Variants in AKR1A1 observed in about 807,000 individuals in gnomAD.
AKR1A1 encodes the protein HEL-S-165mP.
A neutral mutation model predicts 39.2 loss-of-function variants in AKR1A1; 26 were observed. That is an observed-to-expected ratio of 0.66 (90% CI 0.49 to 0.92). The LOEUF (loss-of-function observed/expected upper bound fraction) is 0.92. Among genes scored for constraint, AKR1A1 ranks in the 40% least tolerant of loss-of-function variants. AKR1A1 has a pLI of 0.00. For missense variants in AKR1A1, 378 were observed against 406.5 expected (o/e 0.93, Z 0.60); for synonymous variants, 141 against 155.5 (o/e 0.91, Z 0.69).
At position 45,567,991 on chromosome 1, in the gene AKR1A1, C is replaced by A; in HGVS notation, c.366C>A (p.Asp122Glu). The A allele has an allele frequency of 6.2e-7, 1 of 1,612,138 alleles. No individual in the cohort carries two copies. Among genetic ancestry groups the A allele is most frequent in the Non-Finnish European group, 8.5e-7 (1 of 1,178,700 alleles). ...GCTGTCTCTCACTCAGGCGGGGAGACAACCCCTTCCCCAAGAATGCTGATG... is the reference window on the plus strand; with the variant it reads ...GCTGTCTCTCACTCAGGCGGGGAGAAAACCCCTTCCCCAAGAATGCTGATG... ...MHWPYAFERG[D>E]NPFPKNADGT... The change falls in exon 5 of 9, where the codon GAC (aspartate) becomes GAA (glutamate). Residue 122 changes from aspartate (D) to glutamate (E), a missense_variant. Physicochemically the swap from Asp to Glu is conservative, Grantham distance 45. Transcript: ENST00000351829.
In AKR1A1 at chr1:45,566,958, T is replaced by C. The variant is rs187598161; in HGVS notation, c.294T>C (p.Thr98=). 3.1e-6 allele frequency: 5 copies of C among 1,613,930 alleles called. No individual in the cohort carries two copies. In the Admixed American group the frequency reaches 8.3e-5, roughly 27 times the overall value. The part of the protein sequence containing the change: ...PEDVEPALRK[T]LADLQLEYLD... ...ATGTGGAGCCTGCCCTCCGGAAGACTCTGGCTGACCTCCAGCTGGAGTATC... is the reference window on the plus strand; with the variant it reads ...ATGTGGAGCCTGCCCTCCGGAAGACCCTGGCTGACCTCCAGCTGGAGTATC... The change falls in exon 4 of 9, where the codon ACT becomes ACC. Residue 98 remains threonine (T), a synonymous_variant. Transcript: ENST00000351829.
At chr1:45,565,292 A>G (rs1309998075) in intron 2 of AKR1A1, among the ~76,000 whole-genome samples, 1 of 151,072 alleles carries the variant, frequency 6.6e-6, no homozygotes, top group Non-Finnish European at 1.5e-5. Flanking sequence ...CACCACGCCC[A>G]GCTAATTTTG....
chr1:45,554,214 C>A (rs1370661247), intron 1 of AKR1A1, among the ~76,000 whole-genome samples: 17 of 152,054 alleles, frequency 1.1e-4, no homozygotes, highest in Admixed American at 1.1e-3. Flanking sequence ...ACCACTTGAG[C>A]CCAGGAGTTT....
At chr1:45,569,866 G>C in intron 8 of AKR1A1, 25 bp from the exon 9 acceptor site, 3 of 1,609,612 alleles carry the variant, frequency 1.9e-6, no homozygotes, top group Non-Finnish European at 2.6e-6. Context: ...TGCTGATGGA[G>C]TAATCTATCT....
chr1:45,567,063 G>A (rs762936780), intron 4 of AKR1A1, 43 bp downstream of exon 4: 1 of 1,603,336 alleles, frequency 6.2e-7, no homozygotes, highest in Non-Finnish European at 8.5e-7. Context: ...AGGGGGTTGA[G>A]CAGGATGGTG....
Position 45,569,019 on chromosome 1 carries a change from A to C in AKR1A1, c.825+20A>C. 1 of 1,612,952 alleles carries C rather than the reference A, an allele frequency of 6.2e-7. No individual in the cohort carries two copies. ...ATCAAGGTACTTGGTAATGGGTTCT[A>C]TCTTCTTTAGCTCTTTGGGACATTT... On this transcript the variant is annotated intron_variant, in intron 7 of 8. Transcript: ENST00000351829.
rs771994400 is a variant in AKR1A1, at chr1:45,568,019, A to T, written c.394A>T (p.Thr132Ser). ...CCCCTTCCCCAAGAATGCTGATGGG[A>T]CTATATGCTACGACTCCACCCACTA... ...DNPFPKNADGTICYDSTHYKE... is the reference protein window; with the variant it reads ...DNPFPKNADGSICYDSTHYKE... Residue 132 changes from threonine (T) to serine (S), a missense_variant, in exon 5 of 9, where the codon ACT (threonine) becomes TCT (serine). Transcript: ENST00000351829. The T allele has an allele frequency of 1.2e-6, 2 of 1,613,814 alleles. No homozygotes were observed. The highest frequency in any genetic ancestry group is 1.7e-6 in the Non-Finnish European group (2 of 1,179,966).
chr1:45,570,010 C>A lies in AKR1A1; in HGVS notation c.*54C>A. 6.5e-7 allele frequency: 1 copy of A among 1,528,544 alleles called. No individual in the cohort carries two copies. Among genetic ancestry groups the A allele is most frequent in the Non-Finnish European group, 9.1e-7 (1 of 1,102,414 alleles). The allele number at this position is 1,528,544 out of a possible 1,614,324, so 94.7% of individuals were successfully genotyped here. On this transcript the variant is annotated 3_prime_UTR_variant, in exon 9 of 9. Transcript: ENST00000351829. ...CTCTGCAGCTAATGAGGTCCTGCCACAACGGAAAGAGGGAGTTAATAAAGC... is the reference window on the plus strand; with the variant it reads ...CTCTGCAGCTAATGAGGTCCTGCCAAAACGGAAAGAGGGAGTTAATAAAGC...
At chr1:45,560,758 C>T (rs576021696) in intron 1 of AKR1A1, among the ~76,000 whole-genome samples, 1 of 142,194 alleles carries the variant, frequency 7.0e-6, no homozygotes, top group Non-Finnish European at 1.5e-5. Context: ...GACAAAGTCT[C>T]GCTCTGTTGC....
rs535989248 is a variant in AKR1A1, at chr1:45,552,353, A to T, written c.-7+1198A>T. On this transcript the variant is annotated intron_variant, in intron 1 of 8. Transcript: ENST00000351829. The stretch of plus-strand genomic sequence containing the variant: ...GTGCCCAGTTAATCTTTAAAATAAA[A>T]AAAAAAAAATTCCCCCTAGCAAGCA... 2.6e-5 allele frequency: 4 copies of T among 152,008 alleles called. No homozygotes were observed. In the East Asian group the frequency reaches 5.8e-4, roughly 22 times the overall value. The allele number at this position is 152,008 out of a possible 1,614,324, so 9.4% of individuals were successfully genotyped here.
chr1:45,559,890 G>A (rs567977088), intron 1 of AKR1A1, among the ~76,000 whole-genome samples: 7 of 151,564 alleles, frequency 4.6e-5, no homozygotes, highest in South Asian at 2.1e-4. Flanking sequence ...CTTGTGATCC[G>A]CCCACCTCAA....
At chr1:45,567,264 C>T (rs1644356045) in intron 4 of AKR1A1, 1 of 480,846 alleles carries the variant, frequency 2.1e-6, no homozygotes, top group Admixed American at 3.7e-5. Flanking sequence ...ACCTGTAACC[C>T]TCCTGCTCCC....
At chr1:45,559,026 A>G (rs1056770730) in intron 1 of AKR1A1, among the ~76,000 whole-genome samples, 2 of 152,182 alleles carry the variant, frequency 1.3e-5, no homozygotes, top group Non-Finnish European at 2.9e-5. Context: ...TTTCACTTGA[A>G]TAGCTCCTGT....
chr1:45,558,484 C>T (rs1644237070), intron 1 of AKR1A1, among the ~76,000 whole-genome samples: 1 of 151,462 alleles, frequency 6.6e-6, no homozygotes, highest in Non-Finnish European at 1.5e-5. Flanking sequence ...CTGCAACCTC[C>T]ACCTCCCGAG....
At position 45,567,962 on chromosome 1, in the gene AKR1A1, T is replaced by G. The variant is rs1319931522; in HGVS notation, c.357-20T>G. On this transcript the variant is annotated intron_variant, in intron 4 of 8. Coordinates refer to ENST00000351829, the MANE Select transcript of AKR1A1 (RefSeq NM_153326.3). ...GCCTGGCATTTGTGTCCACACTTGG[T>G]GGGGCTGTCTCTCACTCAGGCGGGG... The G allele has an allele frequency of 6.3e-7, 1 of 1,595,354 alleles. No homozygotes were observed. Among genetic ancestry groups the G allele is most frequent in the Non-Finnish European group, 8.6e-7 (1 of 1,168,916 alleles).
chr1:45,564,121 C>T (rs994053928), intron 2 of AKR1A1, among the ~76,000 whole-genome samples: 5 of 152,184 alleles, frequency 3.3e-5, no homozygotes, highest in Non-Finnish European at 7.3e-5. Flanking sequence ...TTGTGGTGTG[C>T]TTGGATGACC....
chr1:45,551,406 T>C (rs1009402117), intron 1 of AKR1A1, among the ~76,000 whole-genome samples: 10 of 152,364 alleles, frequency 6.6e-5, no homozygotes, highest in Admixed American at 3.3e-4. Context: ...GAGATAAAGC[T>C]TTGAAGGCGC....
intron 4 of AKR1A1, 41 bp from the exon 5 acceptor site, chr1:45,567,941 G>T (rs1644365336): frequency 1.9e-6 from 3 of 1,555,192 alleles, no homozygotes; most frequent in Non-Finnish European, 2.6e-6. Context: ...GTAGAAGCCT[G>T]GCATTTGTGT....
At chr1:45,556,091 A>G (rs566799613) in intron 1 of AKR1A1, among the ~76,000 whole-genome samples, 1 of 152,306 alleles carries the variant, frequency 6.6e-6, no homozygotes, top group African/African-American at 2.4e-5. Flanking sequence ...GGAAACACTC[A>G]TGTAGATATT....
Sources: gnomAD v4.1 joint callset for allele counts (sites outside exome capture counted in the v4.1 genomes callset) on GRCh38, gnomAD v4.1.1 for gene constraint, MANE v1.5 for transcripts, NCBI Gene and HGNC (gene_info 2026-07-23, HGNC 2026-07-21) for gene names.